The following EEFSEC variants were observed in gnomAD, a reference collection of about 807,000 sequenced individuals.
EEFSEC encodes the protein selenocysteine-specific elongation factor.
In EEFSEC, 43 loss-of-function variants were observed where a neutral mutation model predicts 42.1. The observed-to-expected ratio is 1.02, with a 90% CI of 0.80 to 1.32. EEFSEC has a LOEUF of 1.32. Among genes scored for constraint, EEFSEC ranks in the 40% most tolerant of loss-of-function variants. The probability of loss-of-function intolerance (pLI) is 0.00; values close to 1 mark genes in which losing one functional copy is unlikely to be tolerated. For missense variants in EEFSEC, 745 were observed against 803.6 expected (o/e 0.93, Z 0.88); for synonymous variants, 354 against 339.1 (o/e 1.04, Z -0.48).
At chr3:128,411,766 A>G (rs531678312), downstream of EEFSEC, among the ~76,000 whole-genome samples, 1 of 152,338 alleles carries the variant, frequency 6.6e-6, no homozygotes, top group South Asian at 2.1e-4. Flanking sequence ...CTGGGTTAAT[A>G]TATTTTCAAT....
chr3:128,177,393 A>ACCCCCCCCCCCCCC (rs1559855853), intron 1 of EEFSEC, among the ~76,000 whole-genome samples: 1 of 133,866 alleles, frequency 7.5e-6, no homozygotes, highest in Non-Finnish European at 1.6e-5. Context: ...AAATAGTGAC[A>ACCCCCCCCCCCCCC]CCACCCCCAC....
rs2107821120 is a variant in EEFSEC at position 128,203,703 on chromosome 3, T to C, written c.317-43133T>C. ...TTTTTTATCATGCAACATGAGGATATCTACATTTTGGAGTGAGTGTGAGCT... is the reference window on the plus strand; with the variant it reads ...TTTTTTATCATGCAACATGAGGATACCTACATTTTGGAGTGAGTGTGAGCT... On this transcript the variant is annotated intron_variant, in intron 1 of 6. Coordinates refer to ENST00000254730, the MANE Select transcript of EEFSEC (RefSeq NM_021937.5). Among the ~76,000 whole-genome samples, 4 of 152,364 alleles carry C rather than the reference T, an allele frequency of 2.6e-5. No individual in the cohort carries two copies. The Middle Eastern group carries it at 0.014, about 518-fold the overall frequency.
chr3:128,262,298 CCCCT>C, intron 3 of EEFSEC, 74 bp downstream of exon 3: 4 of 1,357,416 alleles, frequency 2.9e-6, no homozygotes, highest in Non-Finnish European at 4.2e-6. Context: ...GTCCCTCTCT[CCCCT>C]GAGAGAGAAA....
intron 4 of EEFSEC, among the ~76,000 whole-genome samples, chr3:128,319,820 T>C (rs922522539): frequency 2.6e-5 from 4 of 152,358 alleles, no homozygotes; most frequent in South Asian, 4.1e-4. Context: ...CATTCTGTCC[T>C]GTGTGCCCAG....
intron 1 of EEFSEC, among the ~76,000 whole-genome samples, chr3:128,201,311 C>T (rs1040177845): frequency 6.6e-6 from 1 of 151,292 alleles, no homozygotes; most frequent in African/African-American, 2.4e-5. Flanking sequence ...GTAATGAGTA[C>T]ACATACAGGA....
intron 4 of EEFSEC, among the ~76,000 whole-genome samples, chr3:128,300,246 A>G (rs2066752162): frequency 6.6e-6 from 1 of 152,140 alleles, no homozygotes; most frequent in Non-Finnish European, 1.5e-5. Flanking sequence ...TGACTCCAGC[A>G]CTGTAAGCAG....
At chr3:128,224,586 C>G (rs1436391358) in intron 1 of EEFSEC, among the ~76,000 whole-genome samples, 1 of 152,218 alleles carries the variant, frequency 6.6e-6, no homozygotes, top group Non-Finnish European at 1.5e-5. Flanking sequence ...ACTAAGATTT[C>G]ACCGTGCTTG....
chr3:128,355,137 T>C (rs2811411), intron 5 of EEFSEC, among the ~76,000 whole-genome samples: 148,496 of 152,312 alleles, frequency 0.97, 72,408 homozygotes, highest in East Asian at 1. Flanking sequence ...AGTGAGCGCC[T>C]GTTCACCAGG....
chr3:128,335,524 G>A (rs915684896), intron 4 of EEFSEC, among the ~76,000 whole-genome samples: 1 of 152,234 alleles, frequency 6.6e-6, no homozygotes, highest in African/African-American at 2.4e-5. Context: ...GAAGGGATGT[G>A]AACAGTGGGT....
intron 1 of EEFSEC, 47 bp downstream of exon 1, chr3:128,153,870 G>A: frequency 6.9e-7 from 1 of 1,457,640 alleles, no homozygotes; most frequent in Non-Finnish European, 9.0e-7. Flanking sequence ...CGCGGGCGGA[G>A]CGACCGGGCC....
At position 128,408,194 on chromosome 3, in the gene EEFSEC, G is replaced by A. The variant is rs148305771; in HGVS notation, c.1726G>A (p.Val576Met). Residue 576 changes from valine (V) to methionine (M), a missense_variant, in exon 7 of 7, where the codon GTG (valine) becomes ATG (methionine). Transcript: ENST00000254730. Reference protein sequence around the residue: ...AERSEPSQHVVLSLTFKRYVF... With the variant: ...AERSEPSQHVMLSLTFKRYVF... ...GCGGAGCGAGCCCTCACAGCATGTG[G>A]TGCTCAGCCTGACTTTCAAGCGTTA... The A allele has an allele frequency of 7.4e-6, 12 of 1,612,366 alleles. No homozygotes were observed. The highest frequency in any genetic ancestry group is 1.0e-5 in the Non-Finnish European group (12 of 1,179,066).
intron 5 of EEFSEC, among the ~76,000 whole-genome samples, chr3:128,344,493 G>A (rs1035928811): frequency 6.6e-6 from 1 of 152,216 alleles, no homozygotes; most frequent in Non-Finnish European, 1.5e-5. Flanking sequence ...CCCAAAGGCA[G>A]CCAGACTGGA....
chr3:128,382,437 CTA>C (rs1321910302), intron 6 of EEFSEC, among the ~76,000 whole-genome samples: 4 of 152,130 alleles, frequency 2.6e-5, no homozygotes, highest in Non-Finnish European at 4.4e-5. Context: ...GCGCCTACGT[CTA>C]TGTGTGTCCA....
chr3:128,346,408 A>ACACT (rs2067312605), intron 5 of EEFSEC, among the ~76,000 whole-genome samples: 1 of 152,186 alleles, frequency 6.6e-6, no homozygotes, highest in African/African-American at 2.4e-5. Context: ...GTCTGCTATG[A>ACACT]TGAAATATAC....
rs552494867 is a variant in EEFSEC at position 128,170,301 on chromosome 3, G to A, written c.316+16478G>A. On this transcript the variant is annotated intron_variant, in intron 1 of 6. Transcript: ENST00000254730. ...CTTGAGGCTGGGCACGGTGGCTCAC[G>A]CCTGTAATCCCAGCACTTTGGGAGG... 4.6e-5 allele frequency among the ~76,000 whole-genome samples: 7 copies of A among 152,268 alleles called. No individual in the cohort carries two copies. The South Asian group carries it at 8.3e-4, about 18-fold the overall frequency.
chr3:128,358,480 C>A, intron 6 of EEFSEC, 107 bp downstream of exon 6: 1 of 1,493,802 alleles, frequency 6.7e-7, no homozygotes, highest in Non-Finnish European at 9.0e-7. Flanking sequence ...CTAATCCTGC[C>A]TTTGCCGAGA....
intron 4 of EEFSEC, among the ~76,000 whole-genome samples, chr3:128,310,837 C>G (rs1439585580): frequency 6.6e-6 from 1 of 152,348 alleles, no homozygotes; most frequent in East Asian, 1.9e-4. Flanking sequence ...TGCTGCCCCA[C>G]CCTGCCCACC....
Position 128,404,593 on chromosome 3 carries a change from G to T in EEFSEC, c.1601-3476G>T, listed in dbSNP as rs1423743464. Among the ~76,000 whole-genome samples the T allele has an allele frequency of 2.0e-5, 3 of 152,314 alleles. No homozygotes were observed. The East Asian group carries it at 5.8e-4, about 29-fold the overall frequency. On this transcript the variant is annotated intron_variant, in intron 6 of 6. Coordinates refer to ENST00000254730, the MANE Select transcript of EEFSEC (RefSeq NM_021937.5). ...GCTCTGTTTGCAGAAGGAAGGCCAG[G>T]CTCTGATTCAGGGAGTCAGATACCT...
chr3:128,375,389 C>T (rs981680359), intron 6 of EEFSEC, among the ~76,000 whole-genome samples: 5 of 152,190 alleles, frequency 3.3e-5, no homozygotes, highest in Non-Finnish European at 7.3e-5. Flanking sequence ...ACCTCCTGCC[C>T]ACCCTCGCCA....
Sources: allele counts gnomAD v4.1 joint callset (sites outside exome capture counted in the v4.1 genomes callset), GRCh38; gene constraint gnomAD v4.1.1; transcripts MANE v1.5; gene names NCBI Gene and HGNC (gene_info 2026-07-23, HGNC 2026-07-21).